Variants in PLEKHA5 observed in about 807,000 individuals in gnomAD.
PLEKHA5 encodes the protein pleckstrin homology domain-containing family A member 5.
Under a neutral mutation model 181.9 loss-of-function variants are expected in PLEKHA5, and 55 were observed. That is an observed-to-expected ratio of 0.30 (90% CI 0.24 to 0.38). The LOEUF (loss-of-function observed/expected upper bound fraction) is 0.38, where lower values mean the gene tolerates loss of function less well. Ranked by LOEUF, PLEKHA5 falls within the 10% of genes least tolerant of loss-of-function variation. The probability of loss-of-function intolerance (pLI) is 1.00; values close to 1 mark genes in which losing one functional copy is unlikely to be tolerated. For synonymous variants in PLEKHA5, 535 were observed against 529.4 expected (o/e 1.01, Z -0.15); for missense variants, 1,432 against 1,549.5 (o/e 0.92, Z 1.27).
intron 11 of PLEKHA5, among the ~76,000 whole-genome samples, chr12:19,278,982 A>G (rs1186566090): frequency 6.6e-6 from 1 of 152,190 alleles, no homozygotes; most frequent in Non-Finnish European, 1.5e-5. Context: ...AAGAATTAGA[A>G]ATATTTAAAA....
At chr12:19,314,072 G>A (rs2087608226) in intron 15 of PLEKHA5, among the ~76,000 whole-genome samples, 1 of 152,024 alleles carries the variant, frequency 6.6e-6, no homozygotes, top group Admixed American at 6.6e-5. Context: ...ACATCATGAT[G>A]GTCTTTTGAG....
chr12:19,276,778 G>T (rs1278849432), intron 11 of PLEKHA5, among the ~76,000 whole-genome samples: 1 of 152,152 alleles, frequency 6.6e-6, no homozygotes, highest in African/African-American at 2.4e-5. Flanking sequence ...AGAAGATAGT[G>T]GTTGGATGGG....
intron 25 of PLEKHA5, among the ~76,000 whole-genome samples, chr12:19,348,727 C>A (rs1305102028): frequency 6.6e-6 from 1 of 152,096 alleles, no homozygotes; most frequent in Non-Finnish European, 1.5e-5. Flanking sequence ...GTCATCTCAG[C>A]TAGGTATGAG....
At position 19,361,627 on chromosome 12, in the gene PLEKHA5, G is replaced by C; in HGVS notation, c.3529G>C (p.Glu1177Gln). Reference sequence around the variant, plus strand: ...TTCATATGAAATGCTTTTTGAACCTGAGCCAAATGGAGTAAATTCTGTGGA... The same window carrying C: ...TTCATATGAAATGCTTTTTGAACCTCAGCCAAATGGAGTAAATTCTGTGGA... ...NISYEMLFEPEPNGVNSVEMM... is the reference protein window; with the variant it reads ...NISYEMLFEPQPNGVNSVEMM... The change falls in exon 29 of 32, where the codon GAG becomes CAG. Residue 1177 changes from glutamate (E) to glutamine (Q), a missense_variant. By Grantham distance (29) the Glu-to-Gln change is conservative. Coordinates refer to ENST00000429027, the MANE Select transcript of PLEKHA5 (RefSeq NM_001256470.2). The C allele has an allele frequency of 1.3e-6, 2 of 1,563,392 alleles. No individual in the cohort carries two copies. Among genetic ancestry groups the C allele is most frequent in the Non-Finnish European group, 1.8e-6 (2 of 1,138,896 alleles).
At chr12:19,136,047 TTTGA>T (rs570459667) in intron 3 of PLEKHA5, among the ~76,000 whole-genome samples, 2 of 151,954 alleles carry the variant, frequency 1.3e-5, no homozygotes, top group South Asian at 2.1e-4. Context: ...GCCTGGCTAA[TTTGA>T]TTGATTGATT....
At chr12:19,141,446 A>G (rs2037257532) in intron 3 of PLEKHA5, among the ~76,000 whole-genome samples, 1 of 152,216 alleles carries the variant, frequency 6.6e-6, no homozygotes, top group Admixed American at 6.5e-5. Context: ...AGGAAGGCCC[A>G]GTTCATCATT....
Position 19,148,100 on chromosome 12 carries a change from GGGCTGGAGTGCAGT to G in PLEKHA5, c.227+15654_227+15667del, listed in dbSNP as rs527694216. On this transcript the variant is annotated intron_variant, in intron 3 of 31. Transcript: ENST00000429027. ...GAGACGGAGTCTCGTTCTGTTGCCC[GGGCTGGAGTGCAGT>G]GGCAGGATCTCAGCTCACTGCAACC... 1.0e-4 allele frequency among the ~76,000 whole-genome samples: 15 copies of G among 150,362 alleles called. 1 individual carries two copies. The South Asian group carries it at 1.3e-3, about 13-fold the overall frequency.
chr12:19,361,755 C>A lies in PLEKHA5; in HGVS notation c.3608+49C>A, dbSNP rs759755453. 6.7e-6 allele frequency: 10 copies of A among 1,496,706 alleles called. No homozygotes were observed. The East Asian group carries it at 2.0e-4, about 31-fold the overall frequency. The allele number at this position is 1,496,706 out of a possible 1,614,324, so 92.7% of individuals were successfully genotyped here. ...AATCATTCACAAAACTGTGTAACTG[C>A]TTAAAAATGGTGAACTTCAGAGTCA... On this transcript the variant is annotated intron_variant, in intron 29 of 31. Transcript: ENST00000429027.
At chr12:19,333,898 C>T (rs745957465) in intron 20 of PLEKHA5, among the ~76,000 whole-genome samples, 10 of 152,012 alleles carry the variant, frequency 6.6e-5, no homozygotes, top group Admixed American at 3.3e-4. Flanking sequence ...CGTGAGCCAC[C>T]GCACCTGGCC....
At chr12:19,164,291 C>T (rs185621229) in intron 3 of PLEKHA5, among the ~76,000 whole-genome samples, 6 of 151,006 alleles carry the variant, frequency 4.0e-5, no homozygotes, top group Admixed American at 1.3e-4. Flanking sequence ...TTCCGCCTCC[C>T]GGGTTCAAGC....
chr12:19,260,784 C>T (rs916095757), intron 6 of PLEKHA5, among the ~76,000 whole-genome samples, 165 bp from the exon 7 acceptor site: 3 of 152,054 alleles, frequency 2.0e-5, no homozygotes, highest in Admixed American at 6.6e-5. Flanking sequence ...CGCTTGAACC[C>T]AGGAGGCAGA....
At chr12:19,313,863 A>G (rs997264171) in intron 15 of PLEKHA5, among the ~76,000 whole-genome samples, 1 of 152,128 alleles carries the variant, frequency 6.6e-6, no homozygotes, top group African/African-American at 2.4e-5. Context: ...TTCTTACATT[A>G]TATTAATAAA....
At chr12:19,286,554 A>G (rs1048309524) in intron 12 of PLEKHA5, among the ~76,000 whole-genome samples, 1 of 152,344 alleles carries the variant, frequency 6.6e-6, no homozygotes, top group Non-Finnish European at 1.5e-5. Flanking sequence ...CCAGCCAGAC[A>G]TTAAAGATTT....
intron 11 of PLEKHA5, among the ~76,000 whole-genome samples, chr12:19,281,681 C>A (rs1401309700): frequency 6.6e-6 from 1 of 151,558 alleles, no homozygotes; most frequent in African/African-American, 2.4e-5. Context: ...TTTTAAAAAT[C>A]TTTTTTATAT....
Position 19,189,162 on chromosome 12 carries a change from C to G in PLEKHA5, c.227+56712C>G, listed in dbSNP as rs371715135. 8.5e-5 allele frequency among the ~76,000 whole-genome samples: 13 copies of G among 152,314 alleles called. No individual in the cohort carries two copies. The East Asian group carries it at 2.5e-3, about 29-fold the overall frequency. On this transcript the variant is annotated intron_variant, in intron 3 of 31. Coordinates refer to ENST00000429027, the MANE Select transcript of PLEKHA5 (RefSeq NM_001256470.2). Reference sequence around the variant, plus strand: ...CCCAGTGTGCCTGGAACTAGGCAAGCAAGATGGGGTCCCCTAGCCATGGCT... The same window carrying G: ...CCCAGTGTGCCTGGAACTAGGCAAGGAAGATGGGGTCCCCTAGCCATGGCT...
chr12:19,185,995 A>G (rs1423646564), intron 3 of PLEKHA5, among the ~76,000 whole-genome samples: 5 of 152,126 alleles, frequency 3.3e-5, no homozygotes, highest in African/African-American at 1.2e-4. Context: ...ATTGCATTTC[A>G]TTTGTTATCT....
At chr12:19,353,837 C>T in intron 25 of PLEKHA5, 47 bp from the exon 26 acceptor site, 1 of 822,756 alleles carries the variant, frequency 1.2e-6, no homozygotes, top group Non-Finnish European at 2.1e-6. Flanking sequence ...GAAAGCAATG[C>T]TGTATAAAAG....
At chr12:19,279,257 T>A (rs1307020222) in intron 11 of PLEKHA5, among the ~76,000 whole-genome samples, 1 of 152,148 alleles carries the variant, frequency 6.6e-6, no homozygotes, top group Non-Finnish European at 1.5e-5. Flanking sequence ...GGGATTTTTT[T>A]AAAAAATCAA....
chr12:19,298,840 G>A (rs1025836826), intron 15 of PLEKHA5, among the ~76,000 whole-genome samples: 3 of 152,280 alleles, frequency 2.0e-5, no homozygotes, highest in African/African-American at 2.4e-5. Context: ...TTTGAGAGCC[G>A]TCAGCACTCT....
Sources: allele counts gnomAD v4.1 joint callset (sites outside exome capture counted in the v4.1 genomes callset), GRCh38; gene constraint gnomAD v4.1.1; transcripts MANE v1.5; gene names NCBI Gene and HGNC (gene_info 2026-07-23, HGNC 2026-07-21).